NCALD: variants seen among roughly 807,000 people sequenced by gnomAD.
NCALD encodes the protein neurocalcin delta.
A neutral mutation model predicts 18.6 loss-of-function variants in NCALD; 10 were observed. The observed-to-expected ratio is 0.54, with a 90% CI of 0.33 to 0.91. The LOEUF is 0.91. Ranked by LOEUF, NCALD falls within the 40% of genes least tolerant of loss-of-function variation. The pLI, the probability that NCALD is intolerant of heterozygous loss-of-function variation, is 0.03. For synonymous variants in NCALD, 88 were observed against 87.4 expected (o/e 1.01, Z -0.04); for missense variants, 184 against 247.6 (o/e 0.74, Z 1.72).
rs553147111 is a variant in NCALD, at chr8:101,725,419, G to A, written c.-19-5771C>T. ...CATCCCCTTTCCAGCTTCCCTTCTG[G>A]TGAGAGCTGCTTCTACTGCTTAATA... On this transcript the variant is annotated intron_variant, in intron 1 of 3. Transcript: ENST00000220931. Among the ~76,000 whole-genome samples, 9 of 152,270 alleles carry A rather than the reference G, an allele frequency of 5.9e-5. 1 individual carries two copies. In the South Asian group the frequency reaches 1.9e-3, roughly 32 times the overall value.
chr8:101,763,777 T>C (rs960543890), intron 1 of NCALD, among the ~76,000 whole-genome samples: 2 of 152,106 alleles, frequency 1.3e-5, no homozygotes, highest in African/African-American at 4.8e-5. Flanking sequence ...ATTGGCTTTT[T>C]TCTTGCCTTC....
rs1207316199 is a variant in NCALD at position 101,689,598 on chromosome 8, G to A, written c.485-192C>T. Among the ~76,000 whole-genome samples the A allele has an allele frequency of 6.6e-6, 1 of 152,230 alleles. No homozygotes were observed. Among genetic ancestry groups the A allele is most frequent in the Non-Finnish European group, 1.5e-5 (1 of 68,046 alleles). ...GGAACACTGCTGCCTCATTCACCAT[G>A]GCATTGCCAGCACTTAGGACAGTAC... On this transcript the variant is annotated intron_variant, in intron 3 of 3. Coordinates refer to ENST00000220931, the MANE Select transcript of NCALD (RefSeq NM_032041.3). This position sits in a 1 kb window ranked among gnomAD's most constrained non-coding sequence, Gnocchi z 4.4.
intron 1 of NCALD, among the ~76,000 whole-genome samples, chr8:101,728,798 C>T (rs1363575857): frequency 1.3e-5 from 2 of 152,078 alleles, no homozygotes; most frequent in African/African-American, 4.8e-5. Flanking sequence ...CCAGTCTGGG[C>T]AACAGAGCGA....
chr8:102,065,050 A>G (rs954679768), intron 1 of NCALD, among the ~76,000 whole-genome samples: 3 of 150,106 alleles, frequency 2.0e-5, no homozygotes, highest in African/African-American at 7.4e-5. Context: ...AACCTCAGGC[A>G]ATGGACTCTA....
chr8:101,932,802 C>T (rs995263103), intron 2 of NCALD, among the ~76,000 whole-genome samples: 1 of 152,100 alleles, frequency 6.6e-6, no homozygotes, highest in Non-Finnish European at 1.5e-5. Flanking sequence ...ATAAAACAAA[C>T]TTAAATGACA....
At chr8:101,703,497 C>T (rs1815368490) in intron 2 of NCALD, among the ~76,000 whole-genome samples, 1 of 152,162 alleles carries the variant, frequency 6.6e-6, no homozygotes, top group African/African-American at 2.4e-5. Context: ...TATCCCCTCC[C>T]ACCCGAAGCA....
intron 1 of NCALD, among the ~76,000 whole-genome samples, chr8:102,119,657 G>A (rs1374993601): frequency 6.6e-6 from 1 of 152,128 alleles, no homozygotes. Context: ...ACTGTACTGG[G>A]GCTGCCTCAG....
chr8:101,738,819 C>T (rs368417384), intron 1 of NCALD, among the ~76,000 whole-genome samples: 20 of 152,048 alleles, frequency 1.3e-4, no homozygotes, highest in East Asian at 3.9e-4. Context: ...GTGTGGATCA[C>T]GTGAGATAAT....
intron 2 of NCALD, among the ~76,000 whole-genome samples, chr8:101,977,236 G>GAA (rs773588573): frequency 7.0e-6 from 1 of 143,724 alleles, no homozygotes; most frequent in African/African-American, 2.5e-5. Flanking sequence ...TTTTTACAGT[G>GAA]AAAAAAAAAA....
chr8:101,850,782 G>A (rs562950568), intron 4 of NCALD, among the ~76,000 whole-genome samples: 16 of 152,210 alleles, frequency 1.1e-4, no homozygotes, highest in African/African-American at 3.6e-4. Flanking sequence ...AGGTCTTTGG[G>A]AGGAAGATAA....
chr8:101,721,803 G>A (rs1774724480), intron 1 of NCALD, among the ~76,000 whole-genome samples: 1 of 151,730 alleles, frequency 6.6e-6, no homozygotes, highest in Non-Finnish European at 1.5e-5. Flanking sequence ...CTTCACCTAT[G>A]AGTATGGCCA....
chr8:101,966,539 G>A (rs998690285), intron 2 of NCALD, among the ~76,000 whole-genome samples: 2 of 151,244 alleles, frequency 1.3e-5, no homozygotes, highest in East Asian at 1.9e-4. Flanking sequence ...GCTAAATGAC[G>A]AGTTAATGGG....
rs117230408 is a variant in NCALD, at chr8:101,901,665, C to T, written c.-107+14144G>A. ...AATAATTTTCTTAAATATTTATCTA[C>T]GTACATCAAGAACTACATCGGATAG... On this transcript the variant is annotated intron_variant, in intron 3 of 6. Coordinates refer to the NCALD transcript ENST00000311028. Among the ~76,000 whole-genome samples the T allele has an allele frequency of 2.8e-3, 419 of 152,234 alleles. 1 individual carries two copies. The highest frequency in any genetic ancestry group is 4.7e-3 in the Non-Finnish European group (321 of 68,012).
At position 101,943,420 on chromosome 8, in the gene NCALD, T is replaced by G. The variant is rs902803285; in HGVS notation, c.-156-27562A>C. 5.3e-5 allele frequency among the ~76,000 whole-genome samples: 8 copies of G among 152,222 alleles called. No homozygotes were observed. In the East Asian group the frequency reaches 1.5e-3, roughly 29 times the overall value. ...AAAAGGCATTATTCCCCGTTCCTCT[T>G]ATCAGGAACCTCATTGACAGAGGCA... On this transcript the variant is annotated intron_variant, in intron 2 of 6. Transcript: ENST00000311028.
At chr8:102,093,288 G>A (rs1824985950) in intron 1 of NCALD, among the ~76,000 whole-genome samples, 1 of 152,096 alleles carries the variant, frequency 6.6e-6, no homozygotes, top group African/African-American at 2.4e-5. Context: ...TGACTGTTTT[G>A]GGGTCTGAAT....
upstream of NCALD, among the ~76,000 whole-genome samples, chr8:101,795,011 C>G (rs940384355): frequency 6.6e-6 from 1 of 151,902 alleles, no homozygotes; most frequent in Non-Finnish European, 1.5e-5. Flanking sequence ...AGAAAATAAT[C>G]TAGTCAGAAA....
At chr8:101,948,247 G>C (rs1468089603) in intron 2 of NCALD, among the ~76,000 whole-genome samples, 6 of 152,222 alleles carry the variant, frequency 3.9e-5, no homozygotes, top group Non-Finnish European at 1.5e-5. Flanking sequence ...TAAAGAAACA[G>C]ACAATGTTGA....
intron 1 of NCALD, among the ~76,000 whole-genome samples, chr8:101,777,300 T>G (rs1020237272): frequency 1.6e-4 from 25 of 152,164 alleles, no homozygotes; most frequent in African/African-American, 6.0e-4. Flanking sequence ...TGAGACACCA[T>G]GTTTACATTC....
intron 4 of NCALD, among the ~76,000 whole-genome samples, chr8:101,875,214 T>C (rs1816181621): frequency 1.3e-5 from 2 of 152,192 alleles, no homozygotes; most frequent in Non-Finnish European, 1.5e-5. Flanking sequence ...AAGTCATTTG[T>C]TCCACATCCC....
Sources: allele counts gnomAD v4.1 joint callset (sites outside exome capture counted in the v4.1 genomes callset), GRCh38; gene constraint gnomAD v4.1.1; non-coding constraint Gnocchi (gnomAD v3.1); transcripts MANE v1.5; gene names NCBI Gene and HGNC (gene_info 2026-07-23, HGNC 2026-07-21).